The following ODF2L variants were observed in gnomAD, a reference collection of about 807,000 sequenced individuals.
ODF2L encodes outer dense fiber of sperm tails 2 like.
In ODF2L, 76 loss-of-function variants were observed where a neutral mutation model predicts 86.3. The observed-to-expected ratio is 0.88, with a 90% confidence interval of 0.73 to 1.07. The LOEUF is 1.07. Among genes scored for constraint, ODF2L ranks in the 50% least tolerant of loss-of-function variants. ODF2L has a pLI of 0.00. For missense variants in ODF2L, 748 were observed against 717.4 expected (o/e 1.04, Z -0.49); for synonymous variants, 241 against 231.3 (o/e 1.04, Z -0.38).
In ODF2L at chr1:86,386,907, G is replaced by C. The variant is rs769091407; in HGVS notation, c.113+8C>G. 22 of 1,392,452 alleles carry C rather than the reference G, an allele frequency of 1.6e-5. No homozygotes were observed. The South Asian group carries it at 2.2e-4, about 14-fold the overall frequency. 86.3% of individuals were successfully genotyped at this position (1,392,452 alleles called of 1,614,324 possible). A position where few individuals can be genotyped will look rare whatever the true frequency, so the allele number is the denominator to read the frequency against. On this transcript the variant is annotated splice_region_variant and intron_variant, in intron 2 of 17. Transcript: ENST00000317336. ...AATTTAGATTTCCCCTGATACTGAT[G>C]AGAATACCAGCTGAGATGACTTTCA...
chr1:86,356,705 T>C (rs932249086), intron 13 of ODF2L, 103 bp from the exon 13 acceptor site: 1 of 899,358 alleles, frequency 1.1e-6, no homozygotes. Flanking sequence ...GTATTTTAGG[T>C]ATAATGGCTT....
chr1:86,353,074 CAG>C (rs1443777440), intron 16 of ODF2L, 90 bp from the exon 16 acceptor site: 8 of 816,574 alleles, frequency 9.8e-6, no homozygotes, highest in Non-Finnish European at 1.6e-5. Flanking sequence ...TTTTTCTAAA[CAG>C]ATATTACTTG....
chr1:86,360,360 A>T, intron 12 of ODF2L, 66 bp downstream of exon 11: 1 of 720,330 alleles, frequency 1.4e-6, no homozygotes, highest in Non-Finnish European at 2.4e-6. Context: ...TATTTAGATT[A>T]CAAAGAAATA....
At chr1:86,352,904 T>C in exon 17 of ODF2L, 1 of 1,555,968 alleles carries the variant, frequency 6.4e-7, no homozygotes, top group South Asian at 1.1e-5. Context: ...CATTTTTCTT[T>C]CTAAGCTCAG....
At chr1:86,373,553 A>G (rs1183333013) in intron 8 of ODF2L, among the ~76,000 whole-genome samples, 3 of 150,550 alleles carry the variant, frequency 2.0e-5, no homozygotes, top group African/African-American at 7.3e-5. Flanking sequence ...TATGGTGTAT[A>G]TACTATATAC....
intron 1 of ODF2L, among the ~76,000 whole-genome samples, chr1:86,392,989 C>T (rs1402214962): frequency 3.3e-5 from 5 of 152,114 alleles, no homozygotes; most frequent in South Asian, 2.1e-4. Flanking sequence ...GATCCAGCTA[C>T]ATTCACTAAA....
At chr1:86,358,193 G>T in intron 13 of ODF2L, 1 of 480,894 alleles carries the variant, frequency 2.1e-6, no homozygotes, top group Non-Finnish European at 2.7e-6. Flanking sequence ...GCTGCCAGGA[G>T]TCAGCATCCT....
At chr1:86,396,078 T>A (rs1046720447) in exon 1 of ODF2L, 1 of 152,330 alleles carries the variant, frequency 6.6e-6, no homozygotes, top group African/African-American at 2.4e-5. Flanking sequence ...CAGCCCGCCG[T>A]CGCCGCGATA....
intron 11 of ODF2L, among the ~76,000 whole-genome samples, chr1:86,361,208 G>A (rs188284240): frequency 6.6e-6 from 1 of 152,296 alleles, no homozygotes; most frequent in Admixed American, 6.5e-5. Flanking sequence ...TCCTAGGTCA[G>A]AGACAGGGGA....
chr1:86,364,382 T>C (rs551865689), intron 11 of ODF2L, among the ~76,000 whole-genome samples: 6 of 152,278 alleles, frequency 3.9e-5, no homozygotes, highest in South Asian at 2.1e-4. Flanking sequence ...TGGGAGGAAG[T>C]AGCATTTGAG....
chr1:86,360,953 A>G (rs1478592402), intron 11 of ODF2L: 1 of 152,434 alleles, frequency 6.6e-6, no homozygotes, highest in Non-Finnish European at 1.5e-5. Context: ...CTATTAGGAA[A>G]AAAACAGGTT....
At chr1:86,355,783 A>AT (rs940890060) in intron 14 of ODF2L, among the ~76,000 whole-genome samples, 41 of 74,900 alleles carry the variant, frequency 5.5e-4, no homozygotes, top group Middle Eastern at 7.7e-3. Flanking sequence ...AAAATGCAGT[A>AT]TTTTTTTTTG....
chr1:86,348,604 A>G (rs968404219), downstream of ODF2L: 14 of 680,306 alleles, frequency 2.1e-5, no homozygotes, highest in African/African-American at 1.5e-4. Context: ...TAGATAAATT[A>G]TGTTTCAAAA....
exon 4 of ODF2L, chr1:86,384,790 A>C (rs773985718): frequency 1.1e-5 from 16 of 1,513,214 alleles, no homozygotes; most frequent in Non-Finnish European, 6.2e-6. Context: ...AATTCAATGC[A>C]GAAAGATTCG....
At chr1:86,383,365 G>C (rs181724808) in intron 4 of ODF2L, among the ~76,000 whole-genome samples, 169 bp from the exon 5 acceptor site, 15 of 151,772 alleles carry the variant, frequency 9.9e-5, no homozygotes, top group Middle Eastern at 6.8e-3. Context: ...ATTATTTTTG[G>C]TCTGCAATTT....
At chr1:86,351,966 C>T in exon 18 of ODF2L, 1 of 1,248,234 alleles carries the variant, frequency 8.0e-7, no homozygotes, top group South Asian at 3.0e-5. Context: ...AAAAACAGCA[C>T]ACACATTTTA....
At chr1:86,383,911 T>G (rs1265237872) in intron 4 of ODF2L, among the ~76,000 whole-genome samples, 1 of 151,714 alleles carries the variant, frequency 6.6e-6, no homozygotes, top group Non-Finnish European at 1.5e-5. Flanking sequence ...ACAAAGATAG[T>G]AGTTTTACTC....
Position 86,390,524 on chromosome 1 carries a change from T to C in ODF2L, c.-59-3438A>G, listed in dbSNP as rs747538667. ...TCATACTACAGATGCAGGGATGGTT[T>C]AACATCCACAAGTCAATAAATGTGA... On this transcript the variant is annotated intron_variant, in intron 1 of 17. Coordinates refer to ENST00000317336, the Ensembl canonical transcript of ODF2L. 1.6e-4 allele frequency among the ~76,000 whole-genome samples: 25 copies of C among 152,300 alleles called. No homozygotes were observed. In the South Asian group the frequency reaches 1.7e-3, roughly 10 times the overall value.
intron 8 of ODF2L, among the ~76,000 whole-genome samples, chr1:86,373,592 G>T (rs995604121): frequency 4.0e-5 from 6 of 151,426 alleles, no homozygotes; most frequent in Non-Finnish European, 8.8e-5. Context: ...ACAGCATCTT[G>T]TTATGTTGCC....
Sources: allele counts gnomAD v4.1 joint callset (sites outside exome capture counted in the v4.1 genomes callset), GRCh38; gene constraint gnomAD v4.1.1; transcripts MANE v1.5; gene names NCBI Gene and HGNC (gene_info 2026-07-23, HGNC 2026-07-21).